The following ATXN10 variants were observed in gnomAD, a reference collection of about 807,000 sequenced individuals.
ATXN10 encodes ataxin-10.
ATXN10 carries 28 observed loss-of-function variants against 52.9 expected under a neutral mutation model. That is an observed-to-expected ratio of 0.53 (90% confidence interval 0.39 to 0.73). The LOEUF (loss-of-function observed/expected upper bound fraction) is 0.73. Ranked by LOEUF, ATXN10 falls within the 30% of genes least tolerant of loss-of-function variation. The probability of loss-of-function intolerance (pLI) is 0.00; values close to 1 mark genes in which losing one functional copy is unlikely to be tolerated. For synonymous variants in ATXN10, 226 were observed against 221.5 expected (o/e 1.02, Z -0.18); for missense variants, 565 against 577.0 (o/e 0.98, Z 0.21).
rs117490769 is a variant in ATXN10 at position 45,822,268 on chromosome 22, T to C, written c.1237+15246T>C. Among the ~76,000 whole-genome samples, 974 of 152,344 alleles carry C rather than the reference T, an allele frequency of 6.4e-3. 7 individuals are homozygous for C. Among genetic ancestry groups the C allele is most frequent in the South Asian group, 0.015 (73 of 4,828 alleles). On this transcript the variant is annotated intron_variant, in intron 10 of 11. Coordinates refer to ENST00000252934, the MANE Select transcript of ATXN10 (RefSeq NM_013236.4). The stretch of plus-strand genomic sequence containing the variant: ...ACAGTTATTGTTGTGAGCATCTTGG[T>C]ACATACAGTGCATGTGTCCTGCTAC...
chr22:45,705,940 A>C lies in ATXN10; in HGVS notation c.647+3093A>C, dbSNP rs1342015263. 6.6e-6 allele frequency among the ~76,000 whole-genome samples: 1 copy of C among 152,156 alleles called. No individual in the cohort carries two copies. ...AAGCAAGCATTCCTGCCTGAGCGCC[A>C]CTTCTTGTCAGATCATCAGCCACAT... On this transcript the variant is annotated intron_variant, in intron 5 of 11. Coordinates refer to ENST00000252934, the MANE Select transcript of ATXN10 (RefSeq NM_013236.4). This position sits in a 1 kb window ranked among gnomAD's most constrained non-coding sequence, Gnocchi z 5.2.
Position 45,775,381 on chromosome 22 carries a change from G to A in ATXN10, c.1174-31578G>A, listed in dbSNP as rs1926914382. ...GAGATTTTGTAAGAAATTGAGACAA[G>A]TTGGAAAACACAAACATTGTGAGGG... On this transcript the variant is annotated intron_variant, in intron 9 of 11. Transcript: ENST00000252934. This position sits in a 1 kb window ranked among gnomAD's most constrained non-coding sequence, Gnocchi z 4.7. Among the ~76,000 whole-genome samples the A allele has an allele frequency of 6.6e-6, 1 of 152,236 alleles. No individual in the cohort carries two copies. The highest frequency in any genetic ancestry group is 6.5e-5 in the Admixed American group (1 of 15,290).
At chr22:45,821,347 TAAAAAAAAAA>T (rs567448480) in intron 10 of ATXN10, among the ~76,000 whole-genome samples, 1 of 106,444 alleles carries the variant, frequency 9.4e-6, no homozygotes. Flanking sequence ...CCCGTCTCTT[TAAAAAAAAAA>T]AAAAAAAAAA....
rs986396069 is a variant in ATXN10 at position 45,727,355 on chromosome 22, C to T, written c.729-2070C>T. ...TATATCTATCTATCTATCTATCTAT[C>T]TATCTATCTATCTATCTATCTGAGA... is the stretch of plus-strand genomic sequence containing the variant. On this transcript the variant is annotated intron_variant, in intron 6 of 11. Coordinates refer to ENST00000252934, the MANE Select transcript of ATXN10 (RefSeq NM_013236.4). This position sits in a 1 kb window ranked among gnomAD's most constrained non-coding sequence, Gnocchi z 4.6. Among the ~76,000 whole-genome samples, 1 of 151,704 alleles carries T rather than the reference C, an allele frequency of 6.6e-6. No homozygotes were observed.
rs1048588611 is a variant in ATXN10, at chr22:45,688,516, G to T, written c.117-1196G>T. ...ATAATGTGAGTTCTATTGTCTGTTCGTAAGATAAAAACACACATCACTTGG... is the reference window on the plus strand; with the variant it reads ...ATAATGTGAGTTCTATTGTCTGTTCTTAAGATAAAAACACACATCACTTGG... On this transcript the variant is annotated intron_variant, in intron 1 of 11. Transcript: ENST00000252934. This position sits in a 1 kb window ranked among gnomAD's most constrained non-coding sequence, Gnocchi z 4.0. Among the ~76,000 whole-genome samples, 1 of 152,158 alleles carries T rather than the reference G, an allele frequency of 6.6e-6. No homozygotes were observed. The highest frequency in any genetic ancestry group is 2.1e-4 in the South Asian group (1 of 4,822).
At position 45,705,746 on chromosome 22, in the gene ATXN10, G is replaced by A. The variant is rs536672852; in HGVS notation, c.647+2899G>A. ...ACCGCGCCCGGCCTCCACTTGTTACGGGTCTATTCAGATTGTTGTCTTCTT... is the reference window on the plus strand; with the variant it reads ...ACCGCGCCCGGCCTCCACTTGTTACAGGTCTATTCAGATTGTTGTCTTCTT... On this transcript the variant is annotated intron_variant, in intron 5 of 11. Coordinates refer to ENST00000252934, the MANE Select transcript of ATXN10 (RefSeq NM_013236.4). The surrounding 1 kb of genome is among the most constrained non-coding windows in gnomAD (Gnocchi z 5.2). Among the ~76,000 whole-genome samples, 17 of 152,074 alleles carry A rather than the reference G, an allele frequency of 1.1e-4. No homozygotes were observed. The highest frequency in any genetic ancestry group is 3.4e-3 in the Middle Eastern group (1 of 294).
chr22:45,763,320 AG>A lies in ATXN10; in HGVS notation c.1173+22785del, dbSNP rs1395743349. Among the ~76,000 whole-genome samples, 1 of 152,134 alleles carries A rather than the reference AG, an allele frequency of 6.6e-6. No individual in the cohort carries two copies. The highest frequency in any genetic ancestry group is 2.4e-5 in the African/African-American group (1 of 41,420). On this transcript the variant is annotated intron_variant, in intron 9 of 11. Transcript: ENST00000252934. This position sits in a 1 kb window ranked among gnomAD's most constrained non-coding sequence, Gnocchi z 6.9. ...GAGGGAACTGGCTGGAGAGACTTGG[AG>A]GGCTCCTCAGAGATGAGGCTGAGTG...
At chr22:45,773,697 A>T (rs1926853284) in intron 9 of ATXN10, among the ~76,000 whole-genome samples, 1 of 152,124 alleles carries the variant, frequency 6.6e-6, no homozygotes, top group Non-Finnish European at 1.5e-5. Flanking sequence ...ACCTCTGGTG[A>T]TCTACCCACC....
intron 6 of ATXN10, among the ~76,000 whole-genome samples, chr22:45,721,440 T>A (rs1428349291): frequency 6.6e-6 from 1 of 152,166 alleles, no homozygotes; most frequent in African/African-American, 2.4e-5. Context: ...TGTATAAAAC[T>A]CTCAGTGCCT....
At chr22:45,758,318 G>T (rs1926250635) in intron 9 of ATXN10, among the ~76,000 whole-genome samples, 1 of 152,206 alleles carries the variant, frequency 6.6e-6, no homozygotes, top group Admixed American at 6.5e-5. Context: ...CACCACCATT[G>T]TTAACTGCAG....
Position 45,702,842 on chromosome 22 carries a change from A to G in ATXN10, c.642A>G (p.Glu214=). 1.9e-6 allele frequency: 3 copies of G among 1,613,802 alleles called. No individual in the cohort carries two copies. Among genetic ancestry groups the G allele is most frequent in the East Asian group, 2.2e-5 (1 of 44,832 alleles). ...CTTACCAAAAACATCCTGAATCAGA[A>G]TGGCCGTAAGTATCTTGTTAGAAAT... ...IDAYQKHPES[E]WPFLIITDLF... is the part of the protein sequence containing the mutation. Residue 214 remains glutamate (E), a synonymous_variant, in exon 5 of 12, where the codon GAA becomes GAG. Transcript: ENST00000252934.
chr22:45,738,226 A>G (rs1251681637), intron 7 of ATXN10, among the ~76,000 whole-genome samples: 2 of 152,238 alleles, frequency 1.3e-5, no homozygotes, highest in African/African-American at 2.4e-5. Flanking sequence ...ATAGAAGTTC[A>G]TATTTACCCA....
rs1850458120 is a variant in ATXN10 at position 45,763,834 on chromosome 22, T to G, written c.1173+23296T>G. Among the ~76,000 whole-genome samples, 1 of 152,150 alleles carries G rather than the reference T, an allele frequency of 6.6e-6. No homozygotes were observed. The highest frequency in any genetic ancestry group is 2.1e-4 in the South Asian group (1 of 4,828). ...GGAACAGCATAGCATGGTGGTGGAG[T>G]GGGCTCACTGAGTGAGCTGGTGAGC... is the stretch of plus-strand genomic sequence containing the variant. On this transcript the variant is annotated intron_variant, in intron 9 of 11. Coordinates refer to ENST00000252934, the MANE Select transcript of ATXN10 (RefSeq NM_013236.4). The surrounding 1 kb of genome is among the most constrained non-coding windows in gnomAD (Gnocchi z 6.9).
rs367880606 is a variant in ATXN10, at chr22:45,766,171, C to T, written c.1173+25633C>T. Among the ~76,000 whole-genome samples, 2 of 152,196 alleles carry T rather than the reference C, an allele frequency of 1.3e-5. No homozygotes were observed. Among genetic ancestry groups the T allele is most frequent in the African/African-American group, 4.8e-5 (2 of 41,454 alleles). On this transcript the variant is annotated intron_variant, in intron 9 of 11. Transcript: ENST00000252934. The surrounding 1 kb of genome is among the most constrained non-coding windows in gnomAD (Gnocchi z 4.6). Reference sequence around the variant, plus strand: ...AAAAGTATGGGGACAAGGATATCCGCTACCTTTAGATCAGGGGTTCCCCAA... The same window carrying T: ...AAAAGTATGGGGACAAGGATATCCGTTACCTTTAGATCAGGGGTTCCCCAA...
At chr22:45,811,611 T>TG (rs1928282216) in intron 10 of ATXN10, 1 of 422,248 alleles carries the variant, frequency 2.4e-6, no homozygotes, top group African/African-American at 2.0e-5. Context: ...ACCGCCTGGG[T>TG]GTGTAGTAGG....
At chr22:45,741,361 A>G (rs77132975) in intron 9 of ATXN10, among the ~76,000 whole-genome samples, 15,903 of 152,204 alleles carry the variant, frequency 0.1, 922 homozygotes, top group Middle Eastern at 0.16. Context: ...CATTTGTAGC[A>G]TAGCCCTTAA....
chr22:45,778,476 G>A (rs1442198085), intron 9 of ATXN10, among the ~76,000 whole-genome samples: 1 of 152,238 alleles, frequency 6.6e-6, no homozygotes, highest in East Asian at 1.9e-4. Flanking sequence ...TACATGCTCA[G>A]TGTGTTCGTT....
intron 1 of ATXN10, chr22:45,679,058 C>A (rs1292448393): frequency 6.6e-6 from 1 of 152,212 alleles, no homozygotes; most frequent in Admixed American, 6.5e-5. Context: ...ATTTCACTTC[C>A]TTTTGAAAGC....
chr22:45,743,330 C>T (rs1925608189), intron 9 of ATXN10, among the ~76,000 whole-genome samples: 1 of 152,216 alleles, frequency 6.6e-6, no homozygotes, highest in Admixed American at 6.5e-5. Flanking sequence ...CAAAGACCGA[C>T]ACAACGCCGA....
Sources: gnomAD v4.1 joint callset for allele counts (sites outside exome capture counted in the v4.1 genomes callset) on GRCh38, gnomAD v4.1.1 for gene constraint, Gnocchi (gnomAD v3.1) non-coding constraint, MANE v1.5 for transcripts, NCBI Gene and HGNC (gene_info 2026-07-23, HGNC 2026-07-21) for gene names.